The following CGNL1 variants were observed in gnomAD, a reference collection of about 807,000 sequenced individuals.
The protein encoded by CGNL1 is cingulin like 1, also known as cingulin-like protein 1.
A neutral mutation model predicts 141.2 loss-of-function variants in CGNL1; 132 were observed. The observed-to-expected ratio is 0.93, with a 90% CI of 0.81 to 1.08. The LOEUF (loss-of-function observed/expected upper bound fraction) is 1.08. CGNL1 is among the 50% of genes least tolerant of loss of function. The pLI is 0.00. For missense variants in CGNL1, 1,870 were observed against 1,588.6 expected (o/e 1.18, Z -3.01); for synonymous variants, 690 against 622.1 (o/e 1.11, Z -1.63).
intron 7 of CGNL1, among the ~76,000 whole-genome samples, chr15:57,459,436 T>G (rs2063419147): frequency 6.6e-6 from 1 of 151,302 alleles, no homozygotes; most frequent in Admixed American, 6.6e-5. Flanking sequence ...ACAGCTAGAG[T>G]GAGATGGGTA....
intron 4 of CGNL1, among the ~76,000 whole-genome samples, chr15:57,449,814 G>A (rs1377896055): frequency 6.6e-6 from 1 of 152,138 alleles, no homozygotes; most frequent in Non-Finnish European, 1.5e-5. Flanking sequence ...GAATCACACA[G>A]TATATCACCT....
intron 1 of CGNL1, among the ~76,000 whole-genome samples, chr15:57,414,135 G>C (rs1314446246): frequency 1.3e-5 from 2 of 152,084 alleles, no homozygotes; most frequent in Non-Finnish European, 2.9e-5. Flanking sequence ...CAAGCAGAGG[G>C]GGCTGCCTAC....
intron 7 of CGNL1, among the ~76,000 whole-genome samples, chr15:57,456,194 T>C (rs535692186): frequency 6.6e-6 from 1 of 152,334 alleles, no homozygotes; most frequent in African/African-American, 2.4e-5. Context: ...GGGAATTTGA[T>C]AACAGAGTAT....
At chr15:57,461,343 G>C (rs1158411778) in intron 7 of CGNL1, among the ~76,000 whole-genome samples, 1 of 152,162 alleles carries the variant, frequency 6.6e-6, no homozygotes, top group African/African-American at 2.4e-5. Context: ...CAGGGCAAGA[G>C]CAAGGGCAAC....
intron 8 of CGNL1, among the ~76,000 whole-genome samples, chr15:57,493,516 A>G (rs1226103748): frequency 3.9e-5 from 6 of 152,354 alleles, no homozygotes; most frequent in Admixed American, 6.5e-5. Flanking sequence ...AATGATCTCA[A>G]TGGTCAGAAA....
rs776752058 is a variant in CGNL1 at position 57,516,821 on chromosome 15, A to C, written c.2445A>C (p.Gln815His). 1 of 1,614,094 alleles carries C rather than the reference A, an allele frequency of 6.2e-7. No individual in the cohort carries two copies. The highest frequency in any genetic ancestry group is 8.5e-7 in the Non-Finnish European group (1 of 1,180,042). Residue 815 changes from glutamine to histidine, a missense_variant, in exon 9 of 19, where the codon CAA (glutamine) becomes CAC (histidine). Coordinates refer to ENST00000281282, the MANE Select transcript of CGNL1 (RefSeq NM_032866.5). ...VLASRSNTSE[Q>H]DQAGTEMRVK... is the part of the protein sequence containing the mutation. ...CGAGCAGGAGCAACACTTCAGAGCA[A>C]GACCAGGCGGGGACTGAAATGCGCG...
chr15:57,378,210 G>A (rs1394623865), intron 1 of CGNL1, among the ~76,000 whole-genome samples: 1 of 151,988 alleles, frequency 6.6e-6, no homozygotes, highest in African/African-American at 2.4e-5. Flanking sequence ...TGTTTTCACT[G>A]CCCTTTTTAG....
chr15:57,423,037 GGAGAGGGAGAAGAAGT>G (rs1385975886), intron 1 of CGNL1, among the ~76,000 whole-genome samples: 1 of 152,152 alleles, frequency 6.6e-6, no homozygotes, highest in African/African-American at 2.4e-5. Context: ...GTTCTGTAGA[GGAGAGGGAGAAGAAGT>G]GACTCTTTTT....
At chr15:57,400,119 G>A (rs1265823033) in intron 1 of CGNL1, among the ~76,000 whole-genome samples, 3 of 151,850 alleles carry the variant, frequency 2.0e-5, no homozygotes, top group East Asian at 3.9e-4. Context: ...TAAGCCTCTC[G>A]AGTAGTTGGG....
chr15:57,419,954 T>C (rs867134831), intron 1 of CGNL1, among the ~76,000 whole-genome samples: 12 of 152,200 alleles, frequency 7.9e-5, no homozygotes, highest in African/African-American at 2.7e-4. Flanking sequence ...TATGTATTTA[T>C]TTAGTTATAA....
At chr15:57,377,698 C>G (rs1301062485) in intron 1 of CGNL1, among the ~76,000 whole-genome samples, 1 of 152,212 alleles carries the variant, frequency 6.6e-6, no homozygotes, top group Admixed American at 6.5e-5. Flanking sequence ...ACTGCCAGGG[C>G]ACTTTCTGCC....
At chr15:57,449,341 C>A (rs1417093820) in intron 4 of CGNL1, among the ~76,000 whole-genome samples, 1 of 152,192 alleles carries the variant, frequency 6.6e-6, no homozygotes. Context: ...AAACTCTAAT[C>A]TCTATTTCTT....
intron 8 of CGNL1, among the ~76,000 whole-genome samples, chr15:57,475,599 A>G (rs1033279551): frequency 7.9e-5 from 12 of 151,964 alleles, no homozygotes; most frequent in African/African-American, 2.7e-4. Flanking sequence ...TTAATGAGCA[A>G]TAGATGGAGT....
At chr15:57,459,812 G>A (rs547936689) in intron 7 of CGNL1, among the ~76,000 whole-genome samples, 1 of 152,284 alleles carries the variant, frequency 6.6e-6, no homozygotes, top group East Asian at 1.9e-4. Context: ...TTTCACAAGA[G>A]CAAAGAACAA....
chr15:57,399,119 T>G (rs79491377), intron 1 of CGNL1, among the ~76,000 whole-genome samples: 2 of 152,262 alleles, frequency 1.3e-5, no homozygotes, highest in East Asian at 3.9e-4. Context: ...GGTAATAAGA[T>G]AGAAGGTGGA....
chr15:57,532,696 A>C (rs2032019578), intron 14 of CGNL1, among the ~76,000 whole-genome samples: 1 of 152,202 alleles, frequency 6.6e-6, no homozygotes, highest in African/African-American at 2.4e-5. Flanking sequence ...ACTGCTAATT[A>C]ACTTGTCAAG....
intron 10 of CGNL1, among the ~76,000 whole-genome samples, 188 bp from the exon 11 acceptor site, chr15:57,523,301 T>A (rs1328911141): frequency 6.6e-6 from 1 of 152,254 alleles, no homozygotes; most frequent in Admixed American, 6.5e-5. Context: ...ACTTTCCTAT[T>A]TGGTCCTTGA....
chr15:57,513,248 A>G (rs182852898), intron 8 of CGNL1, among the ~76,000 whole-genome samples: 1 of 124,570 alleles, frequency 8.0e-6, no homozygotes, highest in Admixed American at 8.4e-5. Flanking sequence ...ATAAATGTCA[A>G]TATGGGTGTG....
chr15:57,449,643 A>G (rs1221934511), intron 4 of CGNL1, among the ~76,000 whole-genome samples: 2 of 152,200 alleles, frequency 1.3e-5, no homozygotes, highest in Admixed American at 6.5e-5. Context: ...CAAATGAACA[A>G]TGACATGTAT....
Sources: allele counts gnomAD v4.1 joint callset (sites outside exome capture counted in the v4.1 genomes callset), GRCh38; gene constraint gnomAD v4.1.1; transcripts MANE v1.5; gene names NCBI Gene and HGNC (gene_info 2026-07-23, HGNC 2026-07-21).